SKAP2: variants seen among roughly 807,000 people sequenced by gnomAD.
SKAP2 encodes the protein src kinase-associated phosphoprotein 2.
SKAP2 carries 28 observed loss-of-function variants against 54.9 expected under a neutral mutation model. The observed-to-expected ratio is 0.51, with a 90% CI of 0.38 to 0.70. SKAP2 has a LOEUF of 0.70. Ranked by LOEUF, SKAP2 falls within the 30% of genes least tolerant of loss-of-function variation. The pLI, the probability that SKAP2 is intolerant of heterozygous loss-of-function variation, is 0.00. For missense variants in SKAP2, 356 were observed against 424.1 expected (o/e 0.84, Z 1.41); for synonymous variants, 137 against 134.3 (o/e 1.02, Z -0.14).
At chr7:26,821,834 G>A (rs997377426) in intron 4 of SKAP2, among the ~76,000 whole-genome samples, 2 of 151,984 alleles carry the variant, frequency 1.3e-5, no homozygotes, top group African/African-American at 4.8e-5. Context: ...CCTACACTCC[G>A]GTTCTTCCCA....
intron 11 of SKAP2, among the ~76,000 whole-genome samples, chr7:26,679,507 G>A (rs1278729637): frequency 2.0e-5 from 3 of 152,064 alleles, no homozygotes; most frequent in Non-Finnish European, 4.4e-5. Flanking sequence ...AATGTCATCG[G>A]AGCAAACAAA....
intron 1 of SKAP2, chr7:26,857,442 A>C (rs1785193875): frequency 3.0e-6 from 3 of 984,792 alleles, no homozygotes; most frequent in Non-Finnish European, 3.6e-6. Flanking sequence ...CTTAAAATCT[A>C]CACTTTACCC....
chr7:26,761,631 G>C (rs1548022), intron 4 of SKAP2, among the ~76,000 whole-genome samples: 67,722 of 152,116 alleles, frequency 0.45, 16,399 homozygotes, highest in East Asian at 0.59. Flanking sequence ...GCCAGGCATG[G>C]TGGCTCACAC....
intron 3 of SKAP2, among the ~76,000 whole-genome samples, chr7:26,845,751 G>T (rs901949548): frequency 5.3e-5 from 8 of 152,066 alleles, no homozygotes; most frequent in African/African-American, 1.9e-4. Context: ...GGGCAACATA[G>T]CAAGACCACA....
the SKAP2 span, among the ~76,000 whole-genome samples, chr7:26,655,012 T>C: frequency 6.6e-6 from 1 of 152,182 alleles, no homozygotes; most frequent in Non-Finnish European, 1.5e-5. Flanking sequence ...TGGTAAAGCA[T>C]GTGGCAGTCA....
At chr7:26,663,401 A>C (rs561615079), downstream of SKAP2, among the ~76,000 whole-genome samples, 7 of 152,116 alleles carry the variant, frequency 4.6e-5, no homozygotes, top group Non-Finnish European at 1.0e-4. Context: ...GGACTTGTTC[A>C]AAAAACACAA....
At position 26,864,373 on chromosome 7, in the gene SKAP2, G is replaced by A. The variant is rs1156233340; in HGVS notation, c.57C>T (p.Asn19=). The A allele has an allele frequency of 3.7e-6, 6 of 1,613,680 alleles. No homozygotes were observed. The South Asian group carries it at 6.6e-5, about 18-fold the overall frequency. Reference sequence around the variant, plus strand: ...CTTCCCGCTCTTTACCTGCCAACAGGTTCCTAATTTCCTCAGGGAGGGGGT... The same window carrying A: ...CTTCCCGCTCTTTACCTGCCAACAGATTCCTAATTTCCTCAGGGAGGGGGT... ...SPYPLPEEIR[N]LLADVETFVA... The change falls in exon 1 of 13, where the codon AAC becomes AAT. Residue 19 remains asparagine (N), a synonymous_variant. Transcript: ENST00000345317.
intron 9 of SKAP2, among the ~76,000 whole-genome samples, chr7:26,694,449 A>G (rs1225376715): frequency 6.7e-6 from 1 of 148,768 alleles, no homozygotes; most frequent in East Asian, 2.0e-4. Context: ...TGTTAGAAGA[A>G]TCATCAGGAG....
At chr7:26,722,083 AATAAGAC>A (rs1787590616) in intron 9 of SKAP2, among the ~76,000 whole-genome samples, 2 of 152,242 alleles carry the variant, frequency 1.3e-5, no homozygotes, top group Non-Finnish European at 1.5e-5. Context: ...GCTAATAAGC[AATAAGAC>A]ATAAAAGATG....
intron 4 of SKAP2, among the ~76,000 whole-genome samples, chr7:26,774,299 T>G (rs989754400): frequency 6.6e-6 from 1 of 151,516 alleles, no homozygotes; most frequent in Non-Finnish European, 1.5e-5. Flanking sequence ...GGTGACAGAG[T>G]GAGACTCCGT....
intron 4 of SKAP2, among the ~76,000 whole-genome samples, chr7:26,812,387 C>A (rs907077949): frequency 6.6e-6 from 1 of 152,098 alleles, no homozygotes; most frequent in African/African-American, 2.4e-5. Context: ...GATTTGTGAA[C>A]TGGATAATTC....
intron 4 of SKAP2, among the ~76,000 whole-genome samples, chr7:26,770,934 T>G (rs1185587860): frequency 6.6e-6 from 1 of 152,088 alleles, no homozygotes; most frequent in East Asian, 1.9e-4. Flanking sequence ...TACATAACTT[T>G]TATACATGTC....
intron 9 of SKAP2, among the ~76,000 whole-genome samples, chr7:26,714,312 T>G (rs1300437724): frequency 6.6e-6 from 1 of 152,188 alleles, no homozygotes; most frequent in Non-Finnish European, 1.5e-5. Context: ...TTAAAAAAAC[T>G]GCCCCATCTT....
intron 6 of SKAP2, among the ~76,000 whole-genome samples, chr7:26,733,566 T>C (rs1787863762): frequency 6.6e-6 from 1 of 152,132 alleles, no homozygotes; most frequent in South Asian, 2.1e-4. Flanking sequence ...AACATCAAAA[T>C]ATATTTTATA....
chr7:26,760,287 C>T (rs529113222), intron 4 of SKAP2, among the ~76,000 whole-genome samples: 4 of 151,952 alleles, frequency 2.6e-5, no homozygotes, highest in African/African-American at 9.6e-5. Context: ...AGAAAATAGG[C>T]CTAGAAAGAA....
intron 3 of SKAP2, among the ~76,000 whole-genome samples, chr7:26,847,552 A>G (rs542429377): frequency 2.6e-5 from 4 of 152,332 alleles, no homozygotes; most frequent in African/African-American, 9.6e-5. Flanking sequence ...TGAACTCCAA[A>G]TCAACAATAG....
At chr7:26,836,491 A>T (rs1006562232) in intron 4 of SKAP2, among the ~76,000 whole-genome samples, 5 of 152,116 alleles carry the variant, frequency 3.3e-5, no homozygotes, top group Non-Finnish European at 7.4e-5. Flanking sequence ...TTAAATTACA[A>T]GAAAAAAACA....
chr7:26,772,480 T>C (rs1332780114), intron 4 of SKAP2, among the ~76,000 whole-genome samples: 2 of 152,216 alleles, frequency 1.3e-5, no homozygotes, highest in Non-Finnish European at 1.5e-5. Flanking sequence ...GAACATAGGG[T>C]ATGTGGTTTT....
chr7:26,781,926 C>T (rs1783434287), intron 4 of SKAP2, among the ~76,000 whole-genome samples: 1 of 152,176 alleles, frequency 6.6e-6, no homozygotes, highest in Non-Finnish European at 1.5e-5. Context: ...GGAAGCCTTC[C>T]CTGACCTCCC....
Sources: gnomAD v4.1 joint callset for allele counts (sites outside exome capture counted in the v4.1 genomes callset) on GRCh38, gnomAD v4.1.1 for gene constraint, MANE v1.5 for transcripts, NCBI Gene and HGNC (gene_info 2026-07-23, HGNC 2026-07-21) for gene names.